Variants in ANKRD36 observed in about 807,000 individuals in gnomAD.
ANKRD36 encodes the protein ankyrin repeat domain-containing protein 36A.
ANKRD36 carries 179 observed loss-of-function variants against 278.1 expected under a neutral mutation model. The ratio of observed to expected loss-of-function variants is 0.64; its 90% CI spans 0.57 to 0.73. The LOEUF (loss-of-function observed/expected upper bound fraction) is 0.73, where lower values mean the gene tolerates loss of function less well. ANKRD36 is among the 30% of genes least tolerant of loss of function. The pLI is 0.00. For synonymous variants in ANKRD36, 320 were observed against 641.1 expected (o/e 0.50, Z 7.57); for missense variants, 1,159 against 1,956.7 (o/e 0.59, Z 7.69).
At position 97,191,556 on chromosome 2, in the gene ANKRD36, A is replaced by G. The variant is rs1398929201; in HGVS notation, c.2347+375A>G. Reference sequence around the variant, plus strand: ...ATCGTACTGCTAAAAACAGACAGAAAACTGATTGTAATAACCCATAGACAC... The same window carrying G: ...ATCGTACTGCTAAAAACAGACAGAAGACTGATTGTAATAACCCATAGACAC... On this transcript the variant is annotated intron_variant, in intron 36 of 75. Coordinates refer to ENST00000420699, the MANE Select transcript of ANKRD36 (RefSeq NM_001354587.1). Among the ~76,000 whole-genome samples the G allele has an allele frequency of 4.6e-5, 7 of 151,620 alleles. 1 individual carries two copies. The highest frequency in any genetic ancestry group is 1.0e-4 in the Non-Finnish European group (7 of 67,878).
Position 97,187,384 on chromosome 2 carries a change from G to C in ANKRD36, c.2126G>C (p.Gly709Ala), listed in dbSNP as rs1272570107. The change falls in exon 32 of 76, where the codon GGA becomes GCA. Residue 709 changes from glycine to alanine, a missense_variant. Gly to Ala is a moderately conservative substitution (Grantham distance 60). Coordinates refer to ENST00000420699, the MANE Select transcript of ANKRD36 (RefSeq NM_001354587.1). The stretch of plus-strand genomic sequence containing the variant: ...AATATAGCCACAGAAATAAAGGATG[G>C]AGAAAAATCTGGGACAGGTAATTTT... Reference protein sequence around the residue: ...VSNIATEIKDGEKSGTVSSQK... With the variant: ...VSNIATEIKDAEKSGTVSSQK... 6.3e-7 allele frequency: 1 copy of C among 1,579,756 alleles called. No homozygotes were observed. Among genetic ancestry groups the C allele is most frequent in the Non-Finnish European group, 8.6e-7 (1 of 1,163,132 alleles).
intron 36 of ANKRD36, among the ~76,000 whole-genome samples, chr2:97,192,269 C>T (rs1253078713): frequency 4.0e-5 from 6 of 151,566 alleles, no homozygotes; most frequent in African/African-American, 1.5e-4. Context: ...ATTATTACAC[C>T]ACATGGGTGT....
intron 22 of ANKRD36, among the ~76,000 whole-genome samples, chr2:97,178,132 C>T (rs558698268): frequency 1.3e-5 from 2 of 150,644 alleles, no homozygotes; most frequent in African/African-American, 4.9e-5. Flanking sequence ...AATGAGATAC[C>T]ATCTCACACC....
chr2:97,164,857 C>T (rs1423492205), intron 20 of ANKRD36, among the ~76,000 whole-genome samples: 3 of 152,098 alleles, frequency 2.0e-5, no homozygotes, highest in Non-Finnish European at 4.4e-5. Context: ...TGTTTTAGAA[C>T]TTCAACGCCT....
intron 54 of ANKRD36, among the ~76,000 whole-genome samples, chr2:97,209,243 G>C (rs1490454807): frequency 3.4e-5 from 5 of 146,500 alleles, no homozygotes; most frequent in African/African-American, 8.0e-5. Context: ...CATTTATTGG[G>C]CAAGTTAAAG....
chr2:97,178,057 G>A, intron 22 of ANKRD36, among the ~76,000 whole-genome samples: 1 of 150,052 alleles, frequency 6.7e-6, no homozygotes, highest in African/African-American at 2.5e-5. Flanking sequence ...CATTTATGCA[G>A]CCAAAAAACA....
chr2:97,218,989 A>G (rs1284575319), intron 64 of ANKRD36, 61 bp from the exon 65 acceptor site: 19 of 1,536,194 alleles, frequency 1.2e-5, no homozygotes. Flanking sequence ...CACTCCACGA[A>G]TGTATGGTTG....
rs1453023389 is a variant in ANKRD36, at chr2:97,124,475, T to A, written c.609T>A (p.His203Gln). ...GTTATTTTAGATCAGCCCTCATACA[T>A]GCTGTTACTCTTGGAGAAAAAGATA... ...IDYLGRSALI[H>Q]AVTLGEKDIV... Residue 203 changes from histidine to glutamine, a missense_variant, in exon 5 of 76, where the codon CAT becomes CAA. By Grantham distance (24) the His-to-Gln change is conservative. Transcript: ENST00000420699. The A allele has an allele frequency of 1.9e-6, 3 of 1,549,878 alleles. No homozygotes were observed. The East Asian group carries it at 7.3e-5, about 38-fold the overall frequency.
intron 30 of ANKRD36, 81 bp downstream of exon 30, chr2:97,185,591 G>A (rs1232455209): frequency 5.4e-5 from 80 of 1,482,276 alleles, no homozygotes; most frequent in Non-Finnish European, 7.0e-5. Flanking sequence ...TCAGCGGGGG[G>A]CTCGTCAAAG....
At chr2:97,235,298 C>G (rs1245385192) in intron 68 of ANKRD36, among the ~76,000 whole-genome samples, 15 of 151,198 alleles carry the variant, frequency 9.9e-5, no homozygotes, top group African/African-American at 3.4e-4. Flanking sequence ...TGCCATCCTG[C>G]CTTTGTCAGT....
intron 64 of ANKRD36, among the ~76,000 whole-genome samples, chr2:97,217,793 T>C (rs1289374369): frequency 1.3e-5 from 2 of 151,528 alleles, no homozygotes; most frequent in Non-Finnish European, 2.9e-5. Context: ...CACTGGAGAA[T>C]GAGGAGCAAG....
At position 97,187,404 on chromosome 2, in the gene ANKRD36, A is replaced by G. The variant is rs753173544; in HGVS notation, c.2143+3A>G. ...GGATGGAGAAAAATCTGGGACAGGT[A>G]ATTTTGCAAAACACATTCAATGTCA... is the stretch of plus-strand genomic sequence containing the variant. On this transcript the variant is annotated splice_donor_region_variant and intron_variant, in intron 32 of 75. Coordinates refer to ENST00000420699, the MANE Select transcript of ANKRD36 (RefSeq NM_001354587.1). 4 of 1,564,292 alleles carry G rather than the reference A, an allele frequency of 2.6e-6. No individual in the cohort carries two copies. The highest frequency in any genetic ancestry group is 3.5e-6 in the Non-Finnish European group (4 of 1,151,512).
Position 97,209,792 on chromosome 2 carries a change from C to T in ANKRD36, c.3295-8C>T, listed in dbSNP as rs747349578. 5 of 1,600,190 alleles carry T rather than the reference C, an allele frequency of 3.1e-6. No homozygotes were observed. Among genetic ancestry groups the T allele is most frequent in the Non-Finnish European group, 4.3e-6 (5 of 1,175,766 alleles). On this transcript the variant is annotated splice_polypyrimidine_tract_variant and splice_region_variant and intron_variant, in intron 55 of 75. Coordinates refer to ENST00000420699, the MANE Select transcript of ANKRD36 (RefSeq NM_001354587.1). ...CTTACTTATTATTTCATTTCAAATT[C>T]CATTCAGGCTACAAGTGACGAGAAA...
At chr2:97,183,089 A>G (rs1390522683) in intron 26 of ANKRD36, among the ~76,000 whole-genome samples, 1 of 151,786 alleles carries the variant, frequency 6.6e-6, no homozygotes, top group African/African-American at 2.4e-5. Context: ...CATGAAAAAC[A>G]TGCAGTAGCA....
intron 11 of ANKRD36, among the ~76,000 whole-genome samples, chr2:97,146,781 C>T (rs2153457370): frequency 6.6e-6 from 1 of 151,866 alleles, no homozygotes; most frequent in Middle Eastern, 3.4e-3. Flanking sequence ...ATTTGACCAT[C>T]ATCCTGCCTG....
rs565065385 is a variant in ANKRD36, at chr2:97,207,958, G to C, written c.3217G>C (p.Val1073Leu). 2 of 1,526,904 alleles carry C rather than the reference G, an allele frequency of 1.3e-6. No homozygotes were observed. The highest frequency in any genetic ancestry group is 1.2e-5 in the South Asian group (1 of 83,156). The allele number at this position is 1,526,904 out of a possible 1,614,324, so 94.6% of individuals were successfully genotyped here. A position where few individuals can be genotyped will look rare whatever the true frequency, so the allele number is the denominator to read the frequency against. Residue 1073 changes from valine to leucine, a missense_variant, in exon 54 of 76, where the codon GTT (valine) becomes CTT (leucine). By Grantham distance (32) the Val-to-Leu change is conservative. Coordinates refer to ENST00000420699, the MANE Select transcript of ANKRD36 (RefSeq NM_001354587.1). Reference protein sequence around the residue: ...LKATSAEKDSVLNIARGKKYG... With the variant: ...LKATSAEKDSLLNIARGKKYG... ...GGCTACAAGTGCCGAGAAAGATTCT[G>C]TTTTGAATATAGCCAGAGGAAAAAA...
intron 44 of ANKRD36, among the ~76,000 whole-genome samples, chr2:97,199,058 A>C (rs1185118298): frequency 9.2e-5 from 14 of 152,022 alleles, no homozygotes; most frequent in Admixed American, 7.9e-4. Context: ...ACCCGTAGAC[A>C]CTGTAGGAGA....
chr2:97,180,336 C>T (rs1234762788), intron 24 of ANKRD36, among the ~76,000 whole-genome samples: 1 of 151,538 alleles, frequency 6.6e-6, no homozygotes, highest in African/African-American at 2.4e-5. Flanking sequence ...ACTCCATAAA[C>T]ACTGTAGAAC....
intron 52 of ANKRD36, among the ~76,000 whole-genome samples, 162 bp from the exon 53 acceptor site, chr2:97,207,649 C>G (rs369836288): frequency 6.6e-6 from 1 of 151,320 alleles, no homozygotes; most frequent in South Asian, 2.1e-4. Flanking sequence ...ATTTTCTCAG[C>G]GTATTTCTGT....
Sources: gnomAD v4.1 joint callset for allele counts (sites outside exome capture counted in the v4.1 genomes callset) on GRCh38, gnomAD v4.1.1 for gene constraint, MANE v1.5 for transcripts, NCBI Gene and HGNC (gene_info 2026-07-23, HGNC 2026-07-21) for gene names.